The following C1QTNF12 variants were observed in gnomAD, a reference collection of about 807,000 sequenced individuals.
C1QTNF12 encodes the protein C1q and TNF related 12, also known as adipolin.
C1QTNF12 carries 39 observed loss-of-function variants against 34.3 expected under a neutral mutation model. The observed-to-expected ratio is 1.14, with a 90% confidence interval of 0.88 to 1.49. C1QTNF12 has a LOEUF of 1.49. C1QTNF12 is among the 40% of genes most tolerant of loss of function. The pLI is 0.00. For missense variants in C1QTNF12, 497 were observed against 424.7 expected, an observed-to-expected ratio of 1.17 and a Z score of -1.50; for synonymous variants, 220 against 196.9, an observed-to-expected ratio of 1.12 and a Z score of -0.98.
Position 1,242,574 on chromosome 1 carries a change from A to G in C1QTNF12, c.883T>C (p.Phe295Leu), listed in dbSNP as rs1030590569. The change falls in exon 8 of 8, where the codon TTC becomes CTC. Residue 295 changes from phenylalanine to leucine, a missense_variant. Phe to Leu is a conservative substitution (Grantham distance 22). Transcript: ENST00000330388. ...AVLTIQAGSS[F>L]SGLLLGT ...CACGTGCCCAGGAGCAGCCCGGAGA[A>G]GCTGGAGCCCGCCTGGATGGTGAGG... The G allele has an allele frequency of 6.3e-7, 1 of 1,582,906 alleles. No individual in the cohort carries two copies. The highest frequency in any genetic ancestry group is 8.6e-7 in the Non-Finnish European group (1 of 1,164,648).
chr1:1,242,999 C>T, intron 6 of C1QTNF12, 63 bp downstream of exon 6: 1 of 1,555,674 alleles, frequency 6.4e-7, no homozygotes, highest in Non-Finnish European at 8.7e-7. Context: ...CCCCTGTGGC[C>T]TGTGAGCCCC....
chr1:1,245,433 A>C (rs936376272), intron 1 of C1QTNF12, among the ~76,000 whole-genome samples: 1 of 149,886 alleles, frequency 6.7e-6, no homozygotes, highest in Non-Finnish European at 1.5e-5. Flanking sequence ...CTGCAGGAGA[A>C]CCGCCCAACC....
intron 1 of C1QTNF12, among the ~76,000 whole-genome samples, chr1:1,245,415 AG>A (rs984394881): frequency 1.1e-4 from 17 of 149,342 alleles, no homozygotes; most frequent in Non-Finnish European, 2.5e-4. Flanking sequence ...GAGGCAACAG[AG>A]AGCAGGCTGC....
At chr1:1,243,362 C>G in intron 5 of C1QTNF12, 82 bp downstream of exon 5, 1 of 1,340,972 alleles carries the variant, frequency 7.5e-7, no homozygotes, top group East Asian at 2.5e-5. Flanking sequence ...GGACCCGCAC[C>G]CGGGGCCGGC....
At chr1:1,244,345 G>T in intron 2 of C1QTNF12, 36 bp downstream of exon 2, 1 of 1,601,728 alleles carries the variant, frequency 6.2e-7, no homozygotes. Context: ...ACCCTGTCCG[G>T]GGCTCAGACC....
intron 4 of C1QTNF12, among the ~76,000 whole-genome samples, 193 bp downstream of exon 4, chr1:1,243,761 C>G (rs575304522): frequency 6.6e-6 from 1 of 152,174 alleles, no homozygotes; most frequent in Non-Finnish European, 1.5e-5. Flanking sequence ...ACCCACGCTC[C>G]GTCTGGGCAT....
chr1:1,243,960 G>A lies in C1QTNF12; in HGVS notation c.525C>T (p.Phe175=). The part of the protein sequence containing the change: ...DKRTLVELHG[F]QAPAAQGAFL... ...AGCTCCCGGCTCCACTCACAGCCTG[G>A]AAACCATGCAGCTCCACCAGCGTCC... is the stretch of plus-strand genomic sequence containing the variant. The change falls in exon 4 of 8, where the codon TTC becomes TTT. Residue 175 remains phenylalanine (F), a synonymous_variant. Coordinates refer to ENST00000330388, the MANE Select transcript of C1QTNF12 (RefSeq NM_001014980.3). 1 of 1,608,870 alleles carries A rather than the reference G, an allele frequency of 6.2e-7. No homozygotes were observed. Among genetic ancestry groups the A allele is most frequent in the South Asian group, 1.1e-5 (1 of 90,520 alleles).
intron 1 of C1QTNF12, 181 bp from the exon 2 acceptor site, chr1:1,244,678 A>G (rs1638835721): frequency 1.7e-6 from 1 of 596,440 alleles, no homozygotes; most frequent in Non-Finnish European, 3.0e-6. Context: ...CAGGGCAGGC[A>G]TGCGGGGCTT....
In C1QTNF12 at chr1:1,244,657, A is replaced by G. The variant is rs563193662; in HGVS notation, c.178-160T>C. Reference sequence around the variant, plus strand: ...GGGGGAGTCAGAACCCTGACGTCCCAATGCCACCAGCAGGGCAGGCATGCG... The same window carrying G: ...GGGGGAGTCAGAACCCTGACGTCCCGATGCCACCAGCAGGGCAGGCATGCG... On this transcript the variant is annotated intron_variant, in intron 1 of 7. Coordinates refer to ENST00000330388, the MANE Select transcript of C1QTNF12 (RefSeq NM_001014980.3). 7 of 626,356 alleles carry G rather than the reference A, an allele frequency of 1.1e-5. No homozygotes were observed. In the African/African-American group the frequency reaches 1.3e-4, roughly 11 times the overall value. 38.8% of individuals were successfully genotyped at this position (626,356 alleles called of 1,614,324 possible). A position where few individuals can be genotyped will look rare whatever the true frequency, so the allele number is the denominator to read the frequency against.
intron 6 of C1QTNF12, 35 bp from the exon 7 acceptor site, chr1:1,242,948 T>C: frequency 2.5e-6 from 4 of 1,603,346 alleles, no homozygotes; most frequent in Non-Finnish European, 3.4e-6. Flanking sequence ...AGGGAGGCGT[T>C]GCAGGTCCAG....
Position 1,244,028 on chromosome 1 carries a change from C to A in C1QTNF12, c.457G>T (p.Ala153Ser), listed in dbSNP as rs528258868. ...QGAGLRLVGE[A>S]FHCRLQGPRR... is the part of the protein sequence containing the mutation. ...GGACCCTGCAGCCGGCAGTGAAAGG[C>A]CTCGCCCACCAGCCGCAGGCCCGCC... Residue 153 changes from alanine (A) to serine (S), a missense_variant, in exon 4 of 8, where the codon GCC becomes TCC. Transcript: ENST00000330388. 1.9e-6 allele frequency: 3 copies of A among 1,596,522 alleles called. No homozygotes were observed. The highest frequency in any genetic ancestry group is 2.3e-5 in the East Asian group (1 of 43,810).
chr1:1,247,253 C>T (rs1638918366), upstream of C1QTNF12, among the ~76,000 whole-genome samples: 1 of 152,228 alleles, frequency 6.6e-6, no homozygotes, highest in South Asian at 2.1e-4. Context: ...AGCTACCAGC[C>T]AGCCAAAGCC....
Position 1,244,495 on chromosome 1 carries a change from T to C in C1QTNF12, c.180A>G (p.Pro60=), listed in dbSNP as rs1460060368. 6.2e-7 allele frequency: 1 copy of C among 1,608,636 alleles called. No individual in the cohort carries two copies. The highest frequency in any genetic ancestry group is 1.7e-5 in the Admixed American group (1 of 59,946). ...SREGLPEAPK[P]SQASGPEFSD... is the part of the protein sequence containing the mutation. ...AGAACTCAGGTCCTGAGGCCTGGGA[T>C]GGCTGAAGGGACGGGACGGGGCTAG... Residue 60 remains proline, a splice_region_variant and synonymous_variant, in exon 2 of 8, where the codon CCA becomes CCG. Coordinates refer to ENST00000330388, the MANE Select transcript of C1QTNF12 (RefSeq NM_001014980.3).
intron 2 of C1QTNF12, 44 bp downstream of exon 2, chr1:1,244,337 C>T (rs750291556): frequency 6.3e-7 from 1 of 1,598,058 alleles, no homozygotes; most frequent in Non-Finnish European, 8.6e-7. Flanking sequence ...ACCACCACAC[C>T]CTGTCCGGGG....
rs1638885878 is a variant in C1QTNF12, at chr1:1,246,124, A to G, written c.177+390T>C. 6.6e-6 allele frequency among the ~76,000 whole-genome samples: 1 copy of G among 152,174 alleles called. No individual in the cohort carries two copies. Among genetic ancestry groups the G allele is most frequent in the Admixed American group, 6.5e-5 (1 of 15,282 alleles). ...GGAGTCATGGGGCGCTGGACTCCCA[A>G]GGGGTCTGGTGAACCATCCAGCAAG... On this transcript the variant is annotated intron_variant, in intron 1 of 7. Transcript: ENST00000330388. This position sits in a 1 kb window ranked among gnomAD's most constrained non-coding sequence, Gnocchi z 4.5.
Position 1,243,429 on chromosome 1 carries a change from C to T in C1QTNF12, c.640+15G>A. The T allele has an allele frequency of 6.5e-7, 1 of 1,547,178 alleles. No homozygotes were observed. Among genetic ancestry groups the T allele is most frequent in the Non-Finnish European group, 8.7e-7 (1 of 1,143,962 alleles). On this transcript the variant is annotated intron_variant, in intron 5 of 7. Coordinates refer to ENST00000330388, the MANE Select transcript of C1QTNF12 (RefSeq NM_001014980.3). The stretch of plus-strand genomic sequence containing the variant: ...AGCCCCGTCACAGCACACGGCACTG[C>T]CCCATCCGGCTCACCCACGTGCAGA...
Position 1,244,404 on chromosome 1 carries a change from A to G in C1QTNF12, c.271T>C (p.Cys91Arg), listed in dbSNP as rs1281409539. 7 of 1,611,596 alleles carry G rather than the reference A, an allele frequency of 4.3e-6. No homozygotes were observed. The highest frequency in any genetic ancestry group is 5.1e-6 in the Non-Finnish European group (6 of 1,179,452). ...ACCGGCTTCTTGTCCCTGCTTCCGCACCGCTTCCTTAAGGCGCCGTCGTCC... is the reference window on the plus strand; with the variant it reads ...ACCGGCTTCTTGTCCCTGCTTCCGCGCCGCTTCCTTAAGGCGCCGTCGTCC... Reference protein sequence around the residue: ...RPDDGALRKRCGSRDKKPRDL... With the variant: ...RPDDGALRKRRGSRDKKPRDL... Residue 91 changes from cysteine to arginine, a missense_variant, in exon 2 of 8, where the codon TGC (cysteine) becomes CGC (arginine). By Grantham distance (180) the Cys-to-Arg change is radical. Coordinates refer to ENST00000330388, the MANE Select transcript of C1QTNF12 (RefSeq NM_001014980.3).
chr1:1,242,625 A>C lies in C1QTNF12; in HGVS notation c.832T>G (p.Phe278Val), dbSNP rs1263540172. Residue 278 changes from phenylalanine to valine, a missense_variant, in exon 8 of 8, where the codon TTT becomes GTT. Coordinates refer to ENST00000330388, the MANE Select transcript of C1QTNF12 (RefSeq NM_001014980.3). ...QLQAGQYASV[F>V]VDNGSGAVLT... ...ACGGCCCCGGAGCCATTGTCCACAA[A>C]CACAGAAGCGTACTGTCCAGCCTGT... 1.3e-6 allele frequency: 2 copies of C among 1,595,358 alleles called. No individual in the cohort carries two copies. The highest frequency in any genetic ancestry group is 4.5e-5 in the East Asian group (2 of 44,078).
Position 1,246,616 on chromosome 1 carries a change from G to A in C1QTNF12, c.75C>T (p.Ala25=). The A allele has an allele frequency of 8.0e-7, 1 of 1,245,218 alleles. No individual in the cohort carries two copies. Among genetic ancestry groups the A allele is most frequent in the South Asian group, 3.5e-5 (1 of 28,776 alleles). The allele number at this position is 1,245,218 out of a possible 1,614,324, so 77.1% of individuals were successfully genotyped here. A position where few individuals can be genotyped will look rare whatever the true frequency, so the allele number is the denominator to read the frequency against. ...PQLVLLGGVG[A]RREAQRTQQP... ...GCTGCGTCCTCTGTGCCTCCCGCCG[G>A]GCCCCGACGCCCCCGAGGAGCACGA... Residue 25 remains alanine, a synonymous_variant, in exon 1 of 8, where the codon GCC becomes GCT. Coordinates refer to ENST00000330388, the MANE Select transcript of C1QTNF12 (RefSeq NM_001014980.3). The surrounding 1 kb of genome is among the most constrained non-coding windows in gnomAD (Gnocchi z 4.5).
Sources: gnomAD v4.1 joint callset for allele counts (sites outside exome capture counted in the v4.1 genomes callset) on GRCh38, gnomAD v4.1.1 for gene constraint, Gnocchi (gnomAD v3.1) non-coding constraint, MANE v1.5 for transcripts, NCBI Gene and HGNC (gene_info 2026-07-23, HGNC 2026-07-21) for gene names.